Variants in EYS observed in about 807,000 individuals in gnomAD.
The protein encoded by EYS is protein eyes shut homolog.
In EYS, 250 loss-of-function variants were observed where a neutral mutation model predicts 282.1. The ratio of observed to expected loss-of-function variants is 0.89; its 90% CI spans 0.80 to 0.98. The LOEUF is 0.98. Among genes scored for constraint, EYS ranks in the 50% least tolerant of loss-of-function variants. The pLI is 0.00. For missense variants in EYS, 4,016 were observed against 3,709.0 expected (o/e 1.08, Z -2.15); for synonymous variants, 1,355 against 1,282.9 (o/e 1.06, Z -1.20).
chr6:64,963,444 G>C (rs969866653), intron 14 of EYS, among the ~76,000 whole-genome samples: 3 of 151,994 alleles, frequency 2.0e-5, no homozygotes, highest in Non-Finnish European at 2.9e-5. Context: ...CCATTCTTTT[G>C]ACTCTGAAAG....
At chr6:64,902,585 A>G (rs2150071864) in intron 16 of EYS, 85 bp from the exon 17 acceptor site, 1 of 731,464 alleles carries the variant, frequency 1.4e-6, no homozygotes. Flanking sequence ...TAAAGAATAC[A>G]CTCATAATGG....
chr6:64,692,762 C>T (rs1052994235), intron 22 of EYS, among the ~76,000 whole-genome samples: 1 of 152,048 alleles, frequency 6.6e-6, no homozygotes, highest in Admixed American at 6.6e-5. Context: ...TTCTCCATTG[C>T]TTGTTTTTGT....
At chr6:65,508,611 C>T (rs1474263561) in intron 2 of EYS, among the ~76,000 whole-genome samples, 2 of 148,968 alleles carry the variant, frequency 1.3e-5, no homozygotes, top group East Asian at 2.0e-4. Context: ...GAGGCAGAGC[C>T]GAGATCACGC....
chr6:65,236,815 C>A (rs1168565832), intron 12 of EYS, among the ~76,000 whole-genome samples: 3 of 152,156 alleles, frequency 2.0e-5, no homozygotes, highest in African/African-American at 7.2e-5. Context: ...TTCGTCACAG[C>A]AACTTAGGAC....
rs1475402588 is a variant in EYS, at chr6:63,999,101, C to G, written c.6808G>C (p.Asp2270His). 5.2e-6 allele frequency: 8 copies of G among 1,551,524 alleles called. No individual in the cohort carries two copies. The highest frequency in any genetic ancestry group is 2.0e-5 in the Admixed American group (1 of 51,004). Reference protein sequence around the residue: ...ADGKPPVQKKDTEISHASQAY... With the variant: ...ADGKPPVQKKHTEISHASQAY... Reference sequence around the variant, plus strand: ...TGAGAGGCATGGGAAATCTCTGTGTCTTTCTTCTGTACTGGAGGTTTTCCA... The same window carrying G: ...TGAGAGGCATGGGAAATCTCTGTGTGTTTCTTCTGTACTGGAGGTTTTCCA... Residue 2270 changes from aspartate (D) to histidine (H), a missense_variant, in exon 34 of 43, where the codon GAC (aspartate) becomes CAC (histidine). Physicochemically the swap from Asp to His is moderately conservative, Grantham distance 81. Transcript: ENST00000503581.
chr6:65,060,784 A>G (rs112746783), intron 12 of EYS, among the ~76,000 whole-genome samples: 12,582 of 60,350 alleles, frequency 0.21, 708 homozygotes, highest in Middle Eastern at 0.35. Flanking sequence ...ATATATGTGT[A>G]TATATATATA....
chr6:65,521,122 G>A (rs1011440714), intron 2 of EYS, among the ~76,000 whole-genome samples: 2 of 152,106 alleles, frequency 1.3e-5, no homozygotes, highest in South Asian at 2.1e-4. Context: ...AGTTTGTTCA[G>A]GCTTATCAAT....
intron 14 of EYS, among the ~76,000 whole-genome samples, chr6:64,979,312 C>G (rs551330904): frequency 6.6e-5 from 10 of 151,724 alleles, no homozygotes; most frequent in Middle Eastern, 6.8e-3. Flanking sequence ...TAAATTTTTC[C>G]TACACAGAAA....
chr6:64,283,858 T>C (rs1277527510), intron 30 of EYS, among the ~76,000 whole-genome samples: 1 of 151,976 alleles, frequency 6.6e-6, no homozygotes, highest in African/African-American at 2.4e-5. Flanking sequence ...ACCCATCAGA[T>C]CTCATGAGAC....
In EYS at chr6:63,894,586, TTTG is replaced by T. The variant is rs1773487951; in HGVS notation, c.7056-30231_7056-30229del. The stretch of plus-strand genomic sequence containing the variant: ...TCTGTTGTTTTTTTTTGTTTGTTTG[TTTG>T]TTTTTTTTTTGAGATGGAGTCTCAC... On this transcript the variant is annotated intron_variant, in intron 35 of 42. Transcript: ENST00000503581. 4.6e-5 allele frequency among the ~76,000 whole-genome samples: 7 copies of T among 151,710 alleles called. No individual in the cohort carries two copies. In the South Asian group the frequency reaches 1.5e-3, roughly 32 times the overall value.
rs1764933541 is a variant in EYS at position 64,822,638 on chromosome 6, A to G, written c.3164+13T>C. ...TATACTTTCATAAAGCTAATAATAA[A>G]AAAAATAGCTACCTTCCATGTAGAC... On this transcript the variant is annotated intron_variant, in intron 20 of 42. Coordinates refer to ENST00000503581, the MANE Select transcript of EYS (RefSeq NM_001142800.2). 1 of 1,514,032 alleles carries G rather than the reference A, an allele frequency of 6.6e-7. No homozygotes were observed. Among genetic ancestry groups the G allele is most frequent in the Non-Finnish European group, 8.8e-7 (1 of 1,134,716 alleles). The allele number at this position is 1,514,032 out of a possible 1,614,324, so 93.8% of individuals were successfully genotyped here.
intron 13 of EYS, among the ~76,000 whole-genome samples, chr6:65,050,016 G>T (rs973054802): frequency 1.3e-5 from 2 of 151,468 alleles, no homozygotes; most frequent in African/African-American, 2.4e-5. Flanking sequence ...GCAGTCAATA[G>T]GTTATAAAGG....
intron 22 of EYS, among the ~76,000 whole-genome samples, chr6:64,795,941 C>T (rs1213969710): frequency 2.0e-5 from 3 of 152,140 alleles, no homozygotes; most frequent in Non-Finnish European, 4.4e-5. Context: ...GAGAGAGATG[C>T]TTTTGAGACA....
intron 12 of EYS, among the ~76,000 whole-genome samples, chr6:65,125,333 TTGC>T (rs1472237240): frequency 6.6e-6 from 1 of 152,194 alleles, no homozygotes; most frequent in African/African-American, 2.4e-5. Flanking sequence ...ATGAAACCAG[TTGC>T]TAAGCCCCCA....
intron 8 of EYS, among the ~76,000 whole-genome samples, chr6:65,362,450 G>A (rs1260032242): frequency 6.6e-6 from 1 of 151,884 alleles, no homozygotes; most frequent in African/African-American, 2.4e-5. Context: ...AAGTAAAATT[G>A]ACATATATGT....
intron 22 of EYS, among the ~76,000 whole-genome samples, chr6:64,771,079 G>A (rs1024081097): frequency 3.3e-5 from 5 of 151,486 alleles, no homozygotes; most frequent in African/African-American, 1.2e-4. Context: ...TTTGATTCCA[G>A]GATATCTCTC....
In EYS at chr6:64,906,323, A is replaced by C. The variant is rs572890694; in HGVS notation, c.2642-3823T>G. ...TTTTAGAAAGTAATAAATATTTAAC[A>C]TGTTTTATGTTTAATTATGTATGTA... On this transcript the variant is annotated intron_variant, in intron 16 of 42. Coordinates refer to ENST00000503581, the MANE Select transcript of EYS (RefSeq NM_001142800.2). Among the ~76,000 whole-genome samples, 430 of 152,130 alleles carry C rather than the reference A, an allele frequency of 2.8e-3. 2 individuals carry two copies. The highest frequency in any genetic ancestry group is 4.7e-3 in the Non-Finnish European group (320 of 67,934).
intron 41 of EYS, among the ~76,000 whole-genome samples, chr6:63,757,265 G>A (rs565626839): frequency 1.8e-4 from 28 of 152,070 alleles, no homozygotes; most frequent in African/African-American, 6.3e-4. Context: ...TGTGTTATGC[G>A]GTTGACATAA....
rs9363347 is a variant in EYS at position 65,339,939 on chromosome 6, A to T, written c.1599+4099T>A. 1.5e-4 allele frequency among the ~76,000 whole-genome samples: 22 copies of T among 151,336 alleles called. 1 individual carries two copies. The East Asian group carries it at 4.3e-3, about 30-fold the overall frequency. Reference sequence around the variant, plus strand: ...GCAAATTTTTTAAAGTACATCCTATAAGAAAAAAAGAGTGCAGGGGCCTGT... The same window carrying T: ...GCAAATTTTTTAAAGTACATCCTATTAGAAAAAAAGAGTGCAGGGGCCTGT... On this transcript the variant is annotated intron_variant, in intron 10 of 42. Coordinates refer to ENST00000503581, the MANE Select transcript of EYS (RefSeq NM_001142800.2).
Sources: gnomAD v4.1 joint callset for allele counts (sites outside exome capture counted in the v4.1 genomes callset) on GRCh38, gnomAD v4.1.1 for gene constraint, MANE v1.5 for transcripts, NCBI Gene and HGNC (gene_info 2026-07-23, HGNC 2026-07-21) for gene names.